Variants in SLC6A3 observed in about 807,000 individuals in gnomAD.
SLC6A3 encodes the protein sodium-dependent dopamine transporter.
In SLC6A3, 19 loss-of-function variants were observed where a neutral mutation model predicts 70.4. The observed-to-expected ratio is 0.27, with a 90% confidence interval of 0.19 to 0.40. The LOEUF (loss-of-function observed/expected upper bound fraction) is 0.40. Among genes scored for constraint, SLC6A3 ranks in the 10% least tolerant of loss-of-function variants. SLC6A3 has a pLI of 1.00. For missense variants in SLC6A3, 613 were observed against 838.5 expected (o/e 0.73, Z 3.32); for synonymous variants, 368 against 356.6 (o/e 1.03, Z -0.36).
chr5:1,394,796 G>A lies in SLC6A3; in HGVS notation c.1840-38C>T, dbSNP rs79606030. Reference sequence around the variant, plus strand: ...CAGGTTTAGTCAGAAACCCTGGGGCGATGCCCCATTTAAGAGCAGCTGAAG... The same window carrying A: ...CAGGTTTAGTCAGAAACCCTGGGGCAATGCCCCATTTAAGAGCAGCTGAAG... On this transcript the variant is annotated intron_variant, in intron 14 of 14. Transcript: ENST00000270349. This position sits in a 1 kb window ranked among gnomAD's most constrained non-coding sequence, Gnocchi z 4.7. 10 of 1,610,826 alleles carry A rather than the reference G, an allele frequency of 6.2e-6. No individual in the cohort carries two copies. Among genetic ancestry groups the A allele is most frequent in the East Asian group, 4.5e-5 (2 of 44,858 alleles).
rs370800711 is a variant in SLC6A3, at chr5:1,418,616, A to G, written c.927+1953T>C. 1.6e-3 allele frequency among the ~76,000 whole-genome samples: 242 copies of G among 150,248 alleles called. 1 individual carries two copies. Among genetic ancestry groups the G allele is most frequent in the Middle Eastern group, 7.1e-3 (2 of 282 alleles). On this transcript the variant is annotated intron_variant, in intron 6 of 14. Transcript: ENST00000270349. ...CCACCCATCCATCATCCATCCATCCACCCATCCATCATCGATCCATCCATC... is the reference window on the plus strand; with the variant it reads ...CCACCCATCCATCATCCATCCATCCGCCCATCCATCATCGATCCATCCATC...
chr5:1,413,405 T>A lies in SLC6A3; in HGVS notation c.1156+1286A>T, dbSNP rs557338099. ...CCTTTCAGGTCTCTGAGCGTGTTCCTACCTGCGGTGCGAGGGTCCTAGTGC... is the reference window on the plus strand; with the variant it reads ...CCTTTCAGGTCTCTGAGCGTGTTCCAACCTGCGGTGCGAGGGTCCTAGTGC... On this transcript the variant is annotated intron_variant, in intron 8 of 14. Coordinates refer to ENST00000270349, the MANE Select transcript of SLC6A3 (RefSeq NM_001044.5). The surrounding 1 kb of genome is among the most constrained non-coding windows in gnomAD (Gnocchi z 7.1). Among the ~76,000 whole-genome samples the A allele has an allele frequency of 6.6e-6, 1 of 152,296 alleles. No individual in the cohort carries two copies. The highest frequency in any genetic ancestry group is 1.9e-4 in the East Asian group (1 of 5,180).
Position 1,397,459 on chromosome 5 carries a change from CAAAA to C in SLC6A3, c.1840-2705_1840-2702del, listed in dbSNP as rs761456091. ...ACAAACAAACAAACAAACAAACAAA[CAAAA>C]AAGAAACCCAGGTCCCGACACTCCG... On this transcript the variant is annotated intron_variant, in intron 14 of 14. Transcript: ENST00000270349. This position sits in a 1 kb window ranked among gnomAD's most constrained non-coding sequence, Gnocchi z 4.7. Among the ~76,000 whole-genome samples the C allele has an allele frequency of 2.1e-4, 32 of 149,004 alleles. No homozygotes were observed. The highest frequency in any genetic ancestry group is 2.8e-4 in the Non-Finnish European group (19 of 67,078).
chr5:1,420,778 C>T (rs905827292), intron 5 of SLC6A3, 75 bp from the exon 6 acceptor site: 37 of 1,553,092 alleles, frequency 2.4e-5, no homozygotes, highest in Non-Finnish European at 3.1e-5. Context: ...ACAAGGGCAC[C>T]GGGTTGCCCT....
chr5:1,410,950 ATG>A lies in SLC6A3; in HGVS notation c.1269+291_1269+292del, dbSNP rs367736576. Among the ~76,000 whole-genome samples the A allele has an allele frequency of 9.9e-3, 1,450 of 147,044 alleles. 24 individuals carry two copies. Among genetic ancestry groups the A allele is most frequent in the African/African-American group, 0.03 (1,246 of 40,894 alleles). ...TGTATGTGTGTATGTGTGTGCGTGT[ATG>A]TGTGTGTGTGCATGTGTGTGCACAT... On this transcript the variant is annotated intron_variant, in intron 9 of 14. Coordinates refer to ENST00000270349, the MANE Select transcript of SLC6A3 (RefSeq NM_001044.5).
chr5:1,402,782 A>G lies in SLC6A3; in HGVS notation c.1767+140T>C. 1 of 836,436 alleles carries G rather than the reference A, an allele frequency of 1.2e-6. No homozygotes were observed. The highest frequency in any genetic ancestry group is 1.5e-5 in the South Asian group (1 of 68,502). 51.8% of individuals were successfully genotyped at this position (836,436 alleles called of 1,614,324 possible). On this transcript the variant is annotated intron_variant, in intron 13 of 14. Transcript: ENST00000270349. The surrounding 1 kb of genome is among the most constrained non-coding windows in gnomAD (Gnocchi z 8.5). ...TGGACACACACACGCACACACACAC[A>G]CAGTGTTGTGGTGGCCACCTCCAGT...
In SLC6A3 at chr5:1,397,498, C is replaced by T. The variant is rs185537710; in HGVS notation, c.1840-2740G>A. On this transcript the variant is annotated intron_variant, in intron 14 of 14. Coordinates refer to ENST00000270349, the MANE Select transcript of SLC6A3 (RefSeq NM_001044.5). The surrounding 1 kb of genome is among the most constrained non-coding windows in gnomAD (Gnocchi z 4.7). ...AGGTCCCGACACTCCGCAGTGAACC[C>T]GAGACACCGAAAGCAGAAGAAACTC... Among the ~76,000 whole-genome samples the T allele has an allele frequency of 2.2e-4, 34 of 152,252 alleles. No homozygotes were observed. The highest frequency in any genetic ancestry group is 5.8e-4 in the African/African-American group (24 of 41,530).
chr5:1,414,161 A>C (rs1756196132), intron 8 of SLC6A3, among the ~76,000 whole-genome samples: 1 of 152,046 alleles, frequency 6.6e-6, no homozygotes, highest in Admixed American at 6.5e-5. Flanking sequence ...TTGCTGGAAC[A>C]GCTCATTCCT....
chr5:1,409,585 T>A, intron 10 of SLC6A3, 136 bp downstream of exon 10: 1 of 1,005,030 alleles, frequency 9.9e-7, no homozygotes, highest in Non-Finnish European at 1.6e-6. Flanking sequence ...TACGAGTCAT[T>A]TTCTGGGGTG....
At chr5:1,410,380 C>T (rs28363101) in intron 9 of SLC6A3, among the ~76,000 whole-genome samples, 3,632 of 152,258 alleles carry the variant, frequency 0.024, 135 homozygotes, top group African/African-American at 0.084. Flanking sequence ...ATGTCAGGAA[C>T]ATGAGGCCTG....
chr5:1,437,290 G>C lies in SLC6A3; in HGVS notation c.418+4069C>G, dbSNP rs1756861067. On this transcript the variant is annotated intron_variant, in intron 3 of 14. Transcript: ENST00000270349. This position sits in a 1 kb window ranked among gnomAD's most constrained non-coding sequence, Gnocchi z 4.8. ...AAGAAAAGAAAAGAAAAGAAAGAGG[G>C]GAGAGGACGCCTCTCTGTGTCAGTC... is the stretch of plus-strand genomic sequence containing the variant. Among the ~76,000 whole-genome samples, 2 of 151,960 alleles carry C rather than the reference G, an allele frequency of 1.3e-5. No homozygotes were observed.
Position 1,416,284 on chromosome 5 carries a change from G to A in SLC6A3, c.928-83C>T, listed in dbSNP as rs979367132. ...GGACCTGAGCACCCTTCCTGTCCCAGCCCCACACTGAGGCCTCTAAACTCA... is the reference window on the plus strand; with the variant it reads ...GGACCTGAGCACCCTTCCTGTCCCAACCCCACACTGAGGCCTCTAAACTCA... On this transcript the variant is annotated intron_variant, in intron 6 of 14. Coordinates refer to ENST00000270349, the MANE Select transcript of SLC6A3 (RefSeq NM_001044.5). 1.2e-5 allele frequency: 12 copies of A among 966,792 alleles called. No individual in the cohort carries two copies. The African/African-American group carries it at 1.6e-4, about 13-fold the overall frequency. The allele number at this position is 966,792 out of a possible 1,614,324, so 59.9% of individuals were successfully genotyped here.
At position 1,402,819 on chromosome 5, in the gene SLC6A3, G is replaced by C. The variant is rs561062759; in HGVS notation, c.1767+103C>G. On this transcript the variant is annotated intron_variant, in intron 13 of 14. Coordinates refer to ENST00000270349, the MANE Select transcript of SLC6A3 (RefSeq NM_001044.5). The surrounding 1 kb of genome is among the most constrained non-coding windows in gnomAD (Gnocchi z 8.5). ...TGGCCACCTCCAGTCTCCTCCTCTT[G>C]GTCACAGATGACCCAGGCAGGTGAG... 109 of 1,194,478 alleles carry C rather than the reference G, an allele frequency of 9.1e-5. No homozygotes were observed. In the African/African-American group the frequency reaches 1.5e-3, roughly 16 times the overall value. 74.0% of individuals were successfully genotyped at this position (1,194,478 alleles called of 1,614,324 possible).
chr5:1,428,179 C>G (rs1756614681), intron 4 of SLC6A3, among the ~76,000 whole-genome samples: 1 of 151,976 alleles, frequency 6.6e-6, no homozygotes, highest in Non-Finnish European at 1.5e-5. Context: ...AATTAGAAAT[C>G]AATAACAAAA....
At position 1,408,942 on chromosome 5, in the gene SLC6A3, TC is replaced by T; in HGVS notation, c.1498+83del. On this transcript the variant is annotated intron_variant, in intron 11 of 14. Transcript: ENST00000270349. This position sits in a 1 kb window ranked among gnomAD's most constrained non-coding sequence, Gnocchi z 6.4. ...AGGCTTCCTGCAGCTGAAAGGTGTT[TC>T]CTCACGGAGCCTTTTTCAGAAGGGG... is the stretch of plus-strand genomic sequence containing the variant. 1.1e-6 allele frequency: 1 copy of T among 940,048 alleles called. No homozygotes were observed. The highest frequency in any genetic ancestry group is 1.6e-5 in the African/African-American group (1 of 61,864). 58.2% of individuals were successfully genotyped at this position (940,048 alleles called of 1,614,324 possible).
At chr5:1,435,444 G>C (rs1287655561) in intron 3 of SLC6A3, among the ~76,000 whole-genome samples, 1 of 152,242 alleles carries the variant, frequency 6.6e-6, no homozygotes, top group Non-Finnish European at 1.5e-5. Context: ...GAGTCCGAAG[G>C]AAGGGCTGAG....
intron 14 of SLC6A3, among the ~76,000 whole-genome samples, chr5:1,399,512 C>G (rs970217493): frequency 6.6e-6 from 1 of 152,210 alleles, no homozygotes; most frequent in Non-Finnish European, 1.5e-5. Context: ...CAGCAAGAAT[C>G]TCACATGAAG....
At chr5:1,420,191 G>A (rs28382248) in intron 6 of SLC6A3, among the ~76,000 whole-genome samples, 30,780 of 152,062 alleles carry the variant, frequency 0.2, 3,236 homozygotes, top group South Asian at 0.24. Flanking sequence ...CCAGCCTTCC[G>A]CCAACAGCTG....
At chr5:1,424,492 A>T (rs902713038) in intron 4 of SLC6A3, among the ~76,000 whole-genome samples, 4 of 152,294 alleles carry the variant, frequency 2.6e-5, no homozygotes, top group East Asian at 3.9e-4. Flanking sequence ...TGACCCCAGC[A>T]TGCCACCCGC....
Sources: gnomAD v4.1 joint callset for allele counts (sites outside exome capture counted in the v4.1 genomes callset) on GRCh38, gnomAD v4.1.1 for gene constraint, Gnocchi (gnomAD v3.1) non-coding constraint, MANE v1.5 for transcripts, NCBI Gene and HGNC (gene_info 2026-07-23, HGNC 2026-07-21) for gene names.